Variants in PDZD2 observed in about 807,000 individuals in gnomAD.
PDZD2 encodes PDZ domain-containing protein 2.
In PDZD2, 90 loss-of-function variants were observed where a neutral mutation model predicts 220.7. That is an observed-to-expected ratio of 0.41 (90% CI 0.34 to 0.49). The LOEUF (loss-of-function observed/expected upper bound fraction) is 0.49, where lower values mean the gene tolerates loss of function less well. Ranked by LOEUF, PDZD2 falls within the 20% of genes least tolerant of loss-of-function variation. The pLI, the probability that PDZD2 is intolerant of heterozygous loss-of-function variation, is 0.28. For missense variants in PDZD2, 3,174 were observed against 3,608.5 expected (o/e 0.88, Z 3.08); for synonymous variants, 1,375 against 1,450.5 (o/e 0.95, Z 1.18).
chr5:32,037,378 G>A (rs1371867501), intron 7 of PDZD2, 36 bp downstream of exon 7: 1 of 1,221,946 alleles, frequency 8.2e-7, no homozygotes, highest in Non-Finnish European at 1.2e-6. Flanking sequence ...GCCTGTCTAG[G>A]ATGAGTTTTC....
At chr5:31,975,910 CT>C (rs1041182140) in intron 2 of PDZD2, among the ~76,000 whole-genome samples, 3 of 149,218 alleles carry the variant, frequency 2.0e-5, no homozygotes, top group Non-Finnish European at 4.4e-5. Flanking sequence ...CTCAAGCGAT[CT>C]TCCCGCCTCA....
chr5:31,878,705 C>G (rs1331689500), intron 2 of PDZD2, among the ~76,000 whole-genome samples: 1 of 151,478 alleles, frequency 6.6e-6, no homozygotes, highest in Non-Finnish European at 1.5e-5. Context: ...GGACTACAGG[C>G]GCCCGCCACC....
intron 2 of PDZD2, among the ~76,000 whole-genome samples, chr5:31,848,893 C>G (rs1757752816): frequency 6.6e-6 from 1 of 151,656 alleles, no homozygotes; most frequent in Non-Finnish European, 1.5e-5. Flanking sequence ...ACTAAAAATA[C>G]AAAAAATTAG....
chr5:31,931,829 G>T (rs1430230540), intron 2 of PDZD2, among the ~76,000 whole-genome samples: 1 of 152,114 alleles, frequency 6.6e-6, no homozygotes, highest in Non-Finnish European at 1.5e-5. Flanking sequence ...GTATGCTGCC[G>T]GCGTTGTGTG....
chr5:31,689,713 C>G (rs1747044046), intron 1 of PDZD2, among the ~76,000 whole-genome samples: 1 of 151,896 alleles, frequency 6.6e-6, no homozygotes, highest in African/African-American at 2.4e-5. Flanking sequence ...CTTCTCTGTT[C>G]CCAAAGAGGG....
rs1393411760 is a variant in PDZD2, at chr5:32,074,088, G to A, written c.2982G>A (p.Arg994=). 1.2e-6 allele frequency: 2 copies of A among 1,614,082 alleles called. No homozygotes were observed. The highest frequency in any genetic ancestry group is 1.7e-5 in the Admixed American group (1 of 60,006). ...CAGGGGCCCTCCCGGGTCCCATCAG[G>A]CCTCTGTCAGAGGATGACCCGAGGC... is the stretch of plus-strand genomic sequence containing the variant. ...SLPGALPGPI[R]PLSEDDPRRV... The change falls in exon 18 of 25, where the codon AGG becomes AGA. Residue 994 remains arginine, a synonymous_variant. Transcript: ENST00000438447.
In PDZD2 at chr5:31,811,337, T is replaced by C. The variant is rs1049740009; in HGVS notation, c.476+11613T>C. Among the ~76,000 whole-genome samples, 4 of 152,228 alleles carry C rather than the reference T, an allele frequency of 2.6e-5. No individual in the cohort carries two copies. The East Asian group carries it at 7.7e-4, about 29-fold the overall frequency. ...AATTATATGGAGCAACAATGTTGAA[T>C]TGTATGGATCTCTTATCTTTGAGTC... On this transcript the variant is annotated intron_variant, in intron 2 of 24. Coordinates refer to ENST00000438447, the MANE Select transcript of PDZD2 (RefSeq NM_178140.4).
At chr5:31,728,188 G>A (rs1749295458) in intron 1 of PDZD2, among the ~76,000 whole-genome samples, 1 of 151,732 alleles carries the variant, frequency 6.6e-6, no homozygotes, top group South Asian at 2.1e-4. Context: ...GCATCTTCTG[G>A]CCTCTATGCA....
chr5:31,693,271 T>TCA (rs1747221268), intron 1 of PDZD2, among the ~76,000 whole-genome samples: 1 of 138,430 alleles, frequency 7.2e-6, no homozygotes, highest in Non-Finnish European at 1.5e-5. Flanking sequence ...AGACGGAGTC[T>TCA]CACTCTGTTG....
intron 2 of PDZD2, among the ~76,000 whole-genome samples, chr5:31,948,084 A>G (rs1358801122): frequency 2.0e-5 from 3 of 152,218 alleles, no homozygotes; most frequent in Non-Finnish European, 2.9e-5. Flanking sequence ...TTATAACCCA[A>G]TGAAAGGTTA....
At chr5:31,974,417 A>G (rs78916848) in intron 2 of PDZD2, among the ~76,000 whole-genome samples, 3,085 of 152,320 alleles carry the variant, frequency 0.02, 91 homozygotes, top group African/African-American at 0.069. Context: ...ATTGGTTTAT[A>G]TTAATCATTG....
rs1747999157 is a variant in PDZD2 at position 31,959,235 on chromosome 5, A to C, written c.477-23920A>C. 2.0e-5 allele frequency among the ~76,000 whole-genome samples: 3 copies of C among 147,072 alleles called. No individual in the cohort carries two copies. In the South Asian group the frequency reaches 6.4e-4, roughly 32 times the overall value. ...CATGAGCCACTGCGCCTGGCAAAGC[A>C]CTTTAATATATATATTTATATATAT... On this transcript the variant is annotated intron_variant, in intron 2 of 24. Transcript: ENST00000438447.
Position 31,646,194 on chromosome 5 carries a change from C to T in PDZD2, c.-361+6757C>T, listed in dbSNP as rs866774238. Among the ~76,000 whole-genome samples, 24 of 152,180 alleles carry T rather than the reference C, an allele frequency of 1.6e-4. No individual in the cohort carries two copies. Among genetic ancestry groups the T allele is most frequent in the Admixed American group, 4.6e-4 (7 of 15,276 alleles). On this transcript the variant is annotated intron_variant, in intron 1 of 24. Coordinates refer to ENST00000438447, the MANE Select transcript of PDZD2 (RefSeq NM_178140.4). This position sits in a 1 kb window ranked among gnomAD's most constrained non-coding sequence, Gnocchi z 4.7. ...GTGAACCTGGCTTGTCCTGTTTACA[C>T]GTCCTGGGATGTTACTGTAATTCCA...
intron 2 of PDZD2, among the ~76,000 whole-genome samples, chr5:31,831,387 G>A (rs1242831851): frequency 2.0e-5 from 3 of 151,540 alleles, no homozygotes; most frequent in African/African-American, 4.9e-5. Flanking sequence ...AGGCCGAGGC[G>A]GGTGGATCAC....
intron 21 of PDZD2, among the ~76,000 whole-genome samples, chr5:32,096,178 T>C (rs1183821915): frequency 1.3e-5 from 2 of 152,164 alleles, no homozygotes; most frequent in Non-Finnish European, 2.9e-5. Flanking sequence ...CGTATTCCCA[T>C]TTTTGTTTGG....
chr5:31,698,197 C>T (rs1000861045), intron 1 of PDZD2, among the ~76,000 whole-genome samples: 15 of 150,262 alleles, frequency 1.0e-4, no homozygotes, highest in African/African-American at 2.4e-5. Context: ...AGCCACCGCA[C>T]CCGGCCCCTT....
intron 2 of PDZD2, among the ~76,000 whole-genome samples, chr5:31,887,741 A>C (rs1010517174): frequency 6.6e-6 from 1 of 152,132 alleles, no homozygotes; most frequent in Non-Finnish European, 1.5e-5. Flanking sequence ...ACACAGGCTC[A>C]AATACTGAGG....
At chr5:31,841,220 CACACACACATAA>C (rs1455441039) in intron 2 of PDZD2, among the ~76,000 whole-genome samples, 3 of 152,192 alleles carry the variant, frequency 2.0e-5, no homozygotes, top group Admixed American at 6.5e-5. Context: ...CACACACACA[CACACACACATAA>C]ACACACACAT....
chr5:31,666,127 C>G (rs1045924325), intron 1 of PDZD2, among the ~76,000 whole-genome samples: 1 of 152,176 alleles, frequency 6.6e-6, no homozygotes, highest in East Asian at 1.9e-4. Flanking sequence ...TACAAATTTT[C>G]AAATGCCAGT....
Sources: allele counts gnomAD v4.1 joint callset (sites outside exome capture counted in the v4.1 genomes callset), GRCh38; gene constraint gnomAD v4.1.1; non-coding constraint Gnocchi (gnomAD v3.1); transcripts MANE v1.5; gene names NCBI Gene and HGNC (gene_info 2026-07-23, HGNC 2026-07-21).